Variants in DRC4 observed in about 807,000 individuals in gnomAD.
The protein encoded by DRC4 is dynein regulatory complex subunit 4, also known as GAS-11.
the DRC4 span, among the ~76,000 whole-genome samples, chr16:90,028,496 A>G: frequency 6.6e-6 from 1 of 152,002 alleles, no homozygotes; most frequent in African/African-American, 2.4e-5. Context: ...CCAGTCATTC[A>G]TTGTTTTTGA....
the DRC4 span, chr16:90,031,638 A>G: frequency 4.5e-6 from 4 of 893,562 alleles, no homozygotes; most frequent in South Asian, 5.3e-5. Context: ...TAAAAGCCTG[A>G]GGGAGAGACC....
At chr16:90,025,475 C>T in the DRC4 span, among the ~76,000 whole-genome samples, 7 of 150,854 alleles carry the variant, frequency 4.6e-5, no homozygotes, top group Non-Finnish European at 1.0e-4. Context: ...ATAGTGAAAC[C>T]CCGTCTCTAC....
chr16:90,043,328 G>C, the DRC4 span: 1 of 1,605,282 alleles, frequency 6.2e-7, no homozygotes. Flanking sequence ...CGCGGGACTG[G>C]TGGGCACCCC....
chr16:90,029,456 GC>G, the DRC4 span: 4 of 601,760 alleles, frequency 6.6e-6, no homozygotes, highest in Non-Finnish European at 5.2e-6. Flanking sequence ...TTGAGTGATG[GC>G]AAAATCTCAA....
chr16:90,022,258 C>T, the DRC4 span: 52 of 158,194 alleles, frequency 3.3e-4, no homozygotes, highest in Admixed American at 5.2e-4. Context: ...CAAAGGTGGG[C>T]GGGTGGGGTG....
chr16:90,027,647 G>T, the DRC4 span: 1 of 1,613,980 alleles, frequency 6.2e-7, no homozygotes, highest in South Asian at 1.1e-5. Flanking sequence ...CACCGAAAAA[G>T]AAAGGGAAGA....
the DRC4 span, chr16:90,029,659 G>A: frequency 0.28 from 60,942 of 218,028 alleles, 9,156 homozygotes; most frequent in South Asian, 0.41. Flanking sequence ...TTGTTTGCTC[G>A]TTGTCTTGTC....
At chr16:90,023,438 C>T in the DRC4 span, among the ~76,000 whole-genome samples, 1 of 152,114 alleles carries the variant, frequency 6.6e-6, no homozygotes, top group Admixed American at 6.5e-5. Flanking sequence ...AATTTCTGGG[C>T]AGGTGTGGCA....
the DRC4 span, among the ~76,000 whole-genome samples, chr16:90,030,364 C>T: frequency 6.6e-6 from 1 of 152,038 alleles, no homozygotes; most frequent in Non-Finnish European, 1.5e-5. Context: ...TGTTTAGAGA[C>T]AGGGTCCTGC....
At chr16:90,035,887 T>C in the DRC4 span, 1 of 1,462,578 alleles carries the variant, frequency 6.8e-7, no homozygotes, top group East Asian at 2.5e-5. Context: ...CATGTGAGTT[T>C]GGGAGGCTGT....
the DRC4 span, among the ~76,000 whole-genome samples, chr16:90,030,507 ATTTTTTTTT>A: frequency 8.4e-6 from 1 of 118,972 alleles, no homozygotes; most frequent in African/African-American, 3.5e-5. Flanking sequence ...CTCCTGGCTA[ATTTTTTTTT>A]TTTTTTTTTT....
the DRC4 span, among the ~76,000 whole-genome samples, chr16:90,042,009 C>T: frequency 6.6e-6 from 1 of 151,958 alleles, no homozygotes; most frequent in Non-Finnish European, 1.5e-5. Flanking sequence ...TCAATCTCGG[C>T]GCACTGCAAC....
the DRC4 span, among the ~76,000 whole-genome samples, chr16:90,038,103 T>C: frequency 1.3e-5 from 2 of 152,264 alleles, no homozygotes; most frequent in African/African-American, 4.8e-5. Flanking sequence ...TGTGGCCTGT[T>C]CTGCATGCAT....
At chr16:90,044,092 G>C in the DRC4 span, 1 of 446,560 alleles carries the variant, frequency 2.2e-6, no homozygotes, top group East Asian at 7.0e-5. Context: ...TGAGGGTCTG[G>C]GATGGGGTGA....
chr16:90,029,176 A>C, the DRC4 span: 1 of 1,343,854 alleles, frequency 7.4e-7, no homozygotes, highest in South Asian at 1.2e-5. Context: ...GGGGCAGCTT[A>C]CGGGGCAGGC....
At chr16:90,040,945 G>A in the DRC4 span, among the ~76,000 whole-genome samples, 60,781 of 151,932 alleles carry the variant, frequency 0.4, 13,067 homozygotes, top group Middle Eastern at 0.51. Flanking sequence ...GCCTGAGGTA[G>A]TGAGGCTGTA....
the DRC4 span, chr16:90,027,848 C>A: frequency 1.2e-6 from 1 of 826,708 alleles, no homozygotes; most frequent in Non-Finnish European, 2.0e-6. Context: ...ACACGCCCCC[C>A]GCGTGGCCCA....
the DRC4 span, chr16:90,036,603 G>A: frequency 2.6e-6 from 4 of 1,556,448 alleles, 1 homozygote; most frequent in Middle Eastern, 1.7e-4. Flanking sequence ...TGCGTGGGCT[G>A]GGCTGGGGAG....
At chr16:90,042,985 G>C in the DRC4 span, 5 of 568,248 alleles carry the variant, frequency 8.8e-6, no homozygotes, top group African/African-American at 9.4e-5. Context: ...TTGTGGAATA[G>C]GAATAGTGAC....
Sources: allele counts gnomAD v4.1 joint callset (sites outside exome capture counted in the v4.1 genomes callset), GRCh38; gene constraint gnomAD v4.1.1; transcripts MANE v1.5; gene names NCBI Gene and HGNC (gene_info 2026-07-23, HGNC 2026-07-21).